Variants in AMBP observed in about 807,000 individuals in gnomAD.
The protein encoded by AMBP is alpha-1-microglobulin/bikunin precursor.
Under a neutral mutation model 46.3 loss-of-function variants are expected in AMBP, and 37 were observed. That is an observed-to-expected ratio of 0.80 (90% CI 0.61 to 1.05). The LOEUF (loss-of-function observed/expected upper bound fraction) is 1.05. Ranked by LOEUF, AMBP falls within the 50% of genes least tolerant of loss-of-function variation. AMBP has a pLI of 0.00. For synonymous variants in AMBP, 174 were observed against 175.9 expected, an observed-to-expected ratio of 0.99 and a Z score of 0.09; for missense variants, 475 against 461.2, an observed-to-expected ratio of 1.03 and a Z score of -0.27.
Position 114,061,569 on chromosome 9 carries a change from C to G in AMBP, c.708G>C (p.Ser236=). Residue 236 remains serine, a synonymous_variant, in exon 8 of 10, where the codon TCG becomes TCC. Transcript: ENST00000265132. ...TGGTCATTCCCATGCAGGGACCGGC[C>G]GAGTAGCCCAGCTGGCAGGAATCTA... ...KKEDSCQLGY[S]AGPCMGMTSR... is the part of the protein sequence containing the mutation. 3 of 1,604,636 alleles carry G rather than the reference C, an allele frequency of 1.9e-6. No individual in the cohort carries two copies. Among genetic ancestry groups the G allele is most frequent in the Non-Finnish European group, 2.6e-6 (3 of 1,173,334 alleles).
chr9:114,061,806 C>T (rs1846642389), intron 7 of AMBP, among the ~76,000 whole-genome samples: 1 of 152,148 alleles, frequency 6.6e-6, no homozygotes, highest in Admixed American at 6.5e-5. Context: ...AATGCCCATT[C>T]CACTCCATGT....
chr9:114,064,147 C>T (rs567613625), intron 6 of AMBP, among the ~76,000 whole-genome samples: 1 of 152,096 alleles, frequency 6.6e-6, no homozygotes, highest in Non-Finnish European at 1.5e-5. Flanking sequence ...AGCCACTGGC[C>T]GTATGATATA....
rs769739285 is a variant in AMBP, at chr9:114,074,968, T to A, written c.329A>T (p.His110Leu). 1.9e-6 allele frequency: 3 copies of A among 1,613,988 alleles called. No individual in the cohort carries two copies. The highest frequency in any genetic ancestry group is 2.5e-6 in the Non-Finnish European group (3 of 1,179,862). The change falls in exon 3 of 10, where the codon CAC (histidine) becomes CTC (leucine). Residue 110 changes from histidine (H) to leucine (L), a missense_variant. His to Leu is a moderately conservative substitution (Grantham distance 99). Around this residue, in one of 3 missense-constraint regions of AMBP, gnomAD observed 179 missense variants for 167.4 expected, o/e 1.07. Transcript: ENST00000265132. ...CTTTCCACTCCACTTACTGGATTTGTGATAGAGAAACTTCCCATCAGTATC... is the reference window on the plus strand; with the variant it reads ...CTTTCCACTCCACTTACTGGATTTGAGATAGAGAAACTTCCCATCAGTATC... ...KTDTDGKFLY[H>L]KSKWNITMES...
Position 114,078,213 on chromosome 9 carries a change from T to C in AMBP, c.-4A>G. ...GCAGGGCCCCGAGGCTCCTCATGGC[T>C]ATGGGCTCCTCTGCCTTGGTATATC... On this transcript the variant is annotated 5_prime_UTR_variant, in exon 1 of 10. It adds an upstream start codon to the 5' untranslated region. Coordinates refer to ENST00000265132, the MANE Select transcript of AMBP (RefSeq NM_001633.4). 6.2e-7 allele frequency: 1 copy of C among 1,611,506 alleles called. No homozygotes were observed. Among genetic ancestry groups the C allele is most frequent in the Non-Finnish European group, 8.5e-7 (1 of 1,179,708 alleles).
intron 3 of AMBP, 94 bp from the exon 4 acceptor site, chr9:114,074,246 TCATC>T: frequency 2.2e-6 from 2 of 905,882 alleles, no homozygotes; most frequent in Admixed American, 1.9e-5. Context: ...CATCATCTCC[TCATC>T]CATCCATCTA....
chr9:114,066,376 CGTGT>C (rs55940547), intron 6 of AMBP, among the ~76,000 whole-genome samples: 28,582 of 141,196 alleles, frequency 0.2, 2,962 homozygotes, highest in Middle Eastern at 0.32. Context: ...TTTATGTGCA[CGTGT>C]GTGTGTGTGT....
intron 6 of AMBP, among the ~76,000 whole-genome samples, chr9:114,068,666 C>T (rs1846715413): frequency 6.6e-6 from 1 of 151,714 alleles, no homozygotes; most frequent in Non-Finnish European, 1.5e-5. Flanking sequence ...TTAGAAATAG[C>T]ACTTGTAATA....
chr9:114,067,733 G>C (rs563259618), intron 6 of AMBP, among the ~76,000 whole-genome samples: 41 of 152,172 alleles, frequency 2.7e-4, no homozygotes, highest in Middle Eastern at 3.4e-3. Context: ...GAGAACAATG[G>C]AGTAACATAT....
At position 114,074,064 on chromosome 9, in the gene AMBP, A is replaced by C. The variant is rs768239457; in HGVS notation, c.426T>G (p.His142Gln). 1.2e-6 allele frequency: 2 copies of C among 1,614,080 alleles called. No individual in the cohort carries two copies. Among genetic ancestry groups the C allele is most frequent in the African/African-American group, 2.7e-5 (2 of 74,924 alleles). Residue 142 changes from histidine (H) to glutamine (Q), a missense_variant, in exon 4 of 10, where the codon CAT (histidine) becomes CAG (glutamine). Transcript: ENST00000265132. ...IFLTKKFSRH[H>Q]GPTITAKLYG... Reference sequence around the variant, plus strand: ...AGAGCTTGGCAGTAATGGTGGGTCCATGATGGCGGCTGAATTTCTTGGTCA... The same window carrying C: ...AGAGCTTGGCAGTAATGGTGGGTCCCTGATGGCGGCTGAATTTCTTGGTCA...
chr9:114,073,411 T>A (rs1462983178), intron 4 of AMBP, among the ~76,000 whole-genome samples: 1 of 151,336 alleles, frequency 6.6e-6, no homozygotes, highest in East Asian at 1.9e-4. Context: ...CACGCCCAGC[T>A]AATGTTTTGT....
At chr9:114,067,729 A>C (rs1307089931) in intron 6 of AMBP, among the ~76,000 whole-genome samples, 1 of 152,166 alleles carries the variant, frequency 6.6e-6, no homozygotes. Context: ...GCTTGAGAAC[A>C]ATGGAGTAAC....
chr9:114,061,668 C>A, intron 7 of AMBP, 77 bp from the exon 8 acceptor site: 2 of 1,419,612 alleles, frequency 1.4e-6, no homozygotes, highest in Non-Finnish European at 1.9e-6. Context: ...TTGATATGCG[C>A]CATCTCATTT....
In AMBP at chr9:114,075,015, C is replaced by G. The variant is rs150403120; in HGVS notation, c.282G>C (p.Thr94=). The change falls in exon 3 of 10, where the codon ACG becomes ACC. Residue 94 remains threonine (T), a synonymous_variant. Transcript: ENST00000265132. The part of the protein sequence containing the change: ...TRWRKGVCEE[T]SGAYEKTDTD... ...TATCTGTTTTCTCATAAGCTCCAGA[C>G]GTCTCCTCACAGACACCTTTCCTAG... 9.3e-6 allele frequency: 15 copies of G among 1,614,000 alleles called. No individual in the cohort carries two copies. In the African/African-American group the frequency reaches 1.6e-4, roughly 17 times the overall value.
At chr9:114,078,069 T>C (rs2134858687) in intron 1 of AMBP, 24 bp downstream of exon 1, 3 of 1,613,080 alleles carry the variant, frequency 1.9e-6, no homozygotes, top group Admixed American at 1.7e-5. Flanking sequence ...ACATCCACCC[T>C]ACCACAGAGA....
chr9:114,061,697 T>A, intron 7 of AMBP, 106 bp from the exon 8 acceptor site: 4 of 1,327,178 alleles, frequency 3.0e-6, no homozygotes, highest in Non-Finnish European at 4.0e-6. Context: ...CTAAAAGGAT[T>A]ATCAATTCTT....
Position 114,072,920 on chromosome 9 carries a change from T to A in AMBP, c.556+5A>T. The A allele has an allele frequency of 6.2e-7, 1 of 1,613,608 alleles. No homozygotes were observed. Among genetic ancestry groups the A allele is most frequent in the Non-Finnish European group, 8.5e-7 (1 of 1,179,646 alleles). ...AGGAATTTGAGGCGGAGGGGTGCTATGTACCTCGGTCAGCCATGGTGAAGA... is the reference window on the plus strand; with the variant it reads ...AGGAATTTGAGGCGGAGGGGTGCTAAGTACCTCGGTCAGCCATGGTGAAGA... On this transcript the variant is annotated splice_donor_5th_base_variant and intron_variant, in intron 5 of 9. Coordinates refer to ENST00000265132, the MANE Select transcript of AMBP (RefSeq NM_001633.4).
At chr9:114,073,941 A>G in intron 4 of AMBP, 95 bp downstream of exon 4, 2 of 1,195,916 alleles carry the variant, frequency 1.7e-6, no homozygotes, top group South Asian at 1.3e-5. Flanking sequence ...CAGAAGGAAA[A>G]AGCAAAACTC....
chr9:114,061,023 C>T lies in AMBP; in HGVS notation c.929G>A (p.Gly310Glu). Residue 310 changes from glycine (G) to glutamate (E), a missense_variant, in exon 9 of 10, where the codon GGG becomes GAG. This residue lies in a region of AMBP where 293 missense variants were observed against 276.9 expected (regional missense o/e 1.06). Transcript: ENST00000265132. The stretch of plus-strand genomic sequence containing the variant: ...CCCGTAGGGGAAGAGGACGCACTTC[C>T]CCTTGACAGCATCAAATGCCCAGAG... Reference protein sequence around the residue: ...IQLWAFDAVKGKCVLFPYGGC... With the variant: ...IQLWAFDAVKEKCVLFPYGGC... 1 of 1,614,236 alleles carries T rather than the reference C, an allele frequency of 6.2e-7. No homozygotes were observed. Among genetic ancestry groups the T allele is most frequent in the Non-Finnish European group, 8.5e-7 (1 of 1,180,038 alleles).
intron 5 of AMBP, among the ~76,000 whole-genome samples, chr9:114,072,411 A>T (rs1846754898): frequency 6.6e-6 from 1 of 152,068 alleles, no homozygotes; most frequent in South Asian, 2.1e-4. Context: ...CCTCACTCAC[A>T]CATCCCTTGC....
Sources: allele counts gnomAD v4.1 joint callset (sites outside exome capture counted in the v4.1 genomes callset), GRCh38; gene constraint gnomAD v4.1.1; regional missense constraint gnomAD v4.1.1; transcripts MANE v1.5; gene names NCBI Gene and HGNC (gene_info 2026-07-23, HGNC 2026-07-21).